CYB5R4: variants seen among roughly 807,000 people sequenced by gnomAD.
CYB5R4 encodes the protein cytochrome b5 reductase 4.
CYB5R4 carries 55 observed loss-of-function variants against 70.2 expected under a neutral mutation model. The observed-to-expected ratio is 0.78, with a 90% CI of 0.63 to 0.98. The LOEUF is 0.98. Ranked by LOEUF, CYB5R4 falls within the 50% of genes least tolerant of loss-of-function variation. The pLI, the probability that CYB5R4 is intolerant of heterozygous loss-of-function variation, is 0.00. For synonymous variants in CYB5R4, 197 were observed against 199.5 expected (o/e 0.99, Z 0.11); for missense variants, 562 against 612.6 (o/e 0.92, Z 0.87).
intron 3 of CYB5R4, among the ~76,000 whole-genome samples, chr6:83,896,400 G>A (rs2099461894): frequency 6.6e-6 from 1 of 152,052 alleles, no homozygotes; most frequent in South Asian, 2.1e-4. Context: ...ATATATCAGG[G>A]TAAATATTCC....
rs1197012992 is a variant in CYB5R4, at chr6:83,960,359, C to T, written c.*481C>T. On this transcript the variant is annotated 3_prime_UTR_variant, in exon 16 of 16. Transcript: ENST00000369681. ...GAATGTTATAACTTATTAAGTGATCCAAACATTTTTTTGTGTGTGTATGGC... is the reference window on the plus strand; with the variant it reads ...GAATGTTATAACTTATTAAGTGATCTAAACATTTTTTTGTGTGTGTATGGC... The T allele has an allele frequency of 6.6e-6, 1 of 152,480 alleles. No homozygotes were observed. Among genetic ancestry groups the T allele is most frequent in the African/African-American group, 2.4e-5 (1 of 41,280 alleles). 9.4% of individuals were successfully genotyped at this position (152,480 alleles called of 1,614,324 possible). A position where few individuals can be genotyped will look rare whatever the true frequency, so the allele number is the denominator to read the frequency against.
At chr6:83,922,595 C>T in intron 9 of CYB5R4, 125 bp downstream of exon 9, 2 of 661,596 alleles carry the variant, frequency 3.0e-6, no homozygotes, top group South Asian at 4.0e-5. Flanking sequence ...TTTCACATTG[C>T]AAAACAAAGA....
chr6:83,950,260 T>G (rs2099471315), intron 14 of CYB5R4, among the ~76,000 whole-genome samples: 1 of 152,236 alleles, frequency 6.6e-6, no homozygotes, highest in South Asian at 2.1e-4. Context: ...CAATTGGGAT[T>G]CAATTCACCA....
chr6:83,944,649 TAA>T (rs1479937965), intron 14 of CYB5R4, among the ~76,000 whole-genome samples: 1 of 151,876 alleles, frequency 6.6e-6, no homozygotes, highest in African/African-American at 2.4e-5. Context: ...GCAAATTGGA[TAA>T]AGAGTCAAGA....
At chr6:83,910,659 A>G (rs1588573342) in intron 4 of CYB5R4, among the ~76,000 whole-genome samples, 1 of 152,356 alleles carries the variant, frequency 6.6e-6, no homozygotes, top group Non-Finnish European at 1.5e-5. Flanking sequence ...GAACATGTGT[A>G]TATTCATGTA....
intron 3 of CYB5R4, 76 bp from the exon 4 acceptor site, chr6:83,908,933 G>T: frequency 8.1e-7 from 1 of 1,241,866 alleles, no homozygotes; most frequent in East Asian, 2.4e-5. Context: ...AGAAAGTTTA[G>T]TTTTGCTCGT....
At chr6:83,865,947 C>T (rs1389914443) in intron 2 of CYB5R4, among the ~76,000 whole-genome samples, 3 of 152,206 alleles carry the variant, frequency 2.0e-5, no homozygotes, top group Non-Finnish European at 2.9e-5. Flanking sequence ...ATCCTTTTGA[C>T]ATTTTATAGG....
intron 4 of CYB5R4, chr6:83,910,319 GACTA>G (rs1383875290): frequency 1.2e-5 from 7 of 599,376 alleles, no homozygotes; most frequent in Non-Finnish European, 1.8e-5. Flanking sequence ...CAAGCTCAGA[GACTA>G]ACTGATAGGG....
At position 83,859,768 on chromosome 6, in the gene CYB5R4, G is replaced by T; in HGVS notation, c.-15G>T. 3 of 1,612,206 alleles carry T rather than the reference G, an allele frequency of 1.9e-6. No individual in the cohort carries two copies. The highest frequency in any genetic ancestry group is 2.2e-5 in the East Asian group (1 of 44,830). ...GCGGCGATCCCCGGGCAGGGCCCGGGGCCGGGGTTTGAAGATGCTGAACGT... is the reference window on the plus strand; with the variant it reads ...GCGGCGATCCCCGGGCAGGGCCCGGTGCCGGGGTTTGAAGATGCTGAACGT... On this transcript the variant is annotated 5_prime_UTR_variant, in exon 1 of 16. Transcript: ENST00000369681.
At chr6:83,880,828 A>G (rs1176994175) in intron 2 of CYB5R4, among the ~76,000 whole-genome samples, 2 of 152,124 alleles carry the variant, frequency 1.3e-5, no homozygotes, top group Non-Finnish European at 2.9e-5. Flanking sequence ...ATTTAAAAAT[A>G]TTTCTCCTCC....
intron 3 of CYB5R4, among the ~76,000 whole-genome samples, chr6:83,899,139 A>G (rs190166495): frequency 3.9e-5 from 6 of 152,354 alleles, no homozygotes; most frequent in Admixed American, 1.3e-4. Flanking sequence ...GATATGTGGC[A>G]TCAGTACCTA....
intron 14 of CYB5R4, among the ~76,000 whole-genome samples, chr6:83,941,251 AG>A (rs1193993149): frequency 6.6e-6 from 1 of 152,234 alleles, no homozygotes; most frequent in Non-Finnish European, 1.5e-5. Flanking sequence ...TAAAGAGCTC[AG>A]CCCAGTAAAC....
intron 4 of CYB5R4, chr6:83,910,149 TC>T (rs2099464448): frequency 6.2e-7 from 1 of 1,605,194 alleles, no homozygotes; most frequent in African/African-American, 1.3e-5. Context: ...TTCAAAGATT[TC>T]TTTTACTGTC....
intron 3 of CYB5R4, among the ~76,000 whole-genome samples, chr6:83,902,227 C>T (rs2129136378): frequency 6.6e-6 from 1 of 152,154 alleles, no homozygotes; most frequent in African/African-American, 2.4e-5. Flanking sequence ...CATTTTCATT[C>T]TTCTGCATAT....
chr6:83,887,163 T>C (rs1562830580), intron 2 of CYB5R4, among the ~76,000 whole-genome samples: 2 of 152,138 alleles, frequency 1.3e-5, no homozygotes, highest in South Asian at 4.1e-4. Context: ...AAAAATGATA[T>C]CCTTGAACTG....
intron 2 of CYB5R4, among the ~76,000 whole-genome samples, chr6:83,890,782 A>G (rs1387025505): frequency 6.6e-6 from 1 of 152,154 alleles, no homozygotes; most frequent in South Asian, 2.1e-4. Flanking sequence ...GTCAGCAACC[A>G]TCAACATCAA....
intron 6 of CYB5R4, 41 bp downstream of exon 6, chr6:83,918,106 A>G: frequency 7.4e-7 from 1 of 1,354,486 alleles, no homozygotes; most frequent in Non-Finnish European, 1.1e-6. Context: ...TAAATCAATT[A>G]TGTACAAAAA....
chr6:83,951,206 A>G (rs1290153759), intron 14 of CYB5R4, among the ~76,000 whole-genome samples: 1 of 152,168 alleles, frequency 6.6e-6, no homozygotes, highest in Non-Finnish European at 1.5e-5. Context: ...ATTCTCTGTT[A>G]TTTGACATAG....
At chr6:83,865,199 G>C (rs541334973) in intron 2 of CYB5R4, among the ~76,000 whole-genome samples, 1 of 152,304 alleles carries the variant, frequency 6.6e-6, no homozygotes, top group East Asian at 1.9e-4. Flanking sequence ...CCATTGACTT[G>C]TATTTGTTCA....
Sources: gnomAD v4.1 joint callset for allele counts (sites outside exome capture counted in the v4.1 genomes callset) on GRCh38, gnomAD v4.1.1 for gene constraint, MANE v1.5 for transcripts, NCBI Gene and HGNC (gene_info 2026-07-23, HGNC 2026-07-21) for gene names.